CCDC91: variants seen among roughly 807,000 people sequenced by gnomAD.
CCDC91 encodes coiled-coil domain containing 91, also known as coiled-coil domain-containing protein 91.
CCDC91 carries 48 observed loss-of-function variants against 63.2 expected under a neutral mutation model. The ratio of observed to expected loss-of-function variants is 0.76; its 90% CI spans 0.60 to 0.97. The LOEUF is 0.97. CCDC91 is among the 50% of genes least tolerant of loss of function. The pLI is 0.00. For missense variants in CCDC91, 500 were observed against 494.6 expected (o/e 1.01, Z -0.10); for synonymous variants, 167 against 165.8 (o/e 1.01, Z -0.06).
At chr12:28,284,640 T>A (rs1300617326) in intron 3 of CCDC91, among the ~76,000 whole-genome samples, 1 of 146,450 alleles carries the variant, frequency 6.8e-6, no homozygotes, top group Non-Finnish European at 1.5e-5. Context: ...GCAACAAGAG[T>A]GAAACTAGGT....
At chr12:28,399,599 C>A (rs1480566687) in intron 8 of CCDC91, among the ~76,000 whole-genome samples, 1 of 152,212 alleles carries the variant, frequency 6.6e-6, no homozygotes, top group African/African-American at 2.4e-5. Context: ...AAGGCAGATC[C>A]CTTCTGCCTA....
intron 6 of CCDC91, among the ~76,000 whole-genome samples, chr12:28,324,291 TA>T (rs35069039): frequency 6.6e-6 from 1 of 151,666 alleles, no homozygotes; most frequent in Non-Finnish European, 1.5e-5. Flanking sequence ...TGTGAAACTT[TA>T]AAAAAAAGTA....
intron 8 of CCDC91, among the ~76,000 whole-genome samples, chr12:28,432,791 CTG>C (rs913160214): frequency 5.9e-5 from 9 of 152,048 alleles, no homozygotes; most frequent in African/African-American, 2.2e-4. Flanking sequence ...CTGTAAGAAA[CTG>C]TTAAACTCTC....
At chr12:28,470,810 G>A (rs532574634) in intron 11 of CCDC91, among the ~76,000 whole-genome samples, 1 of 152,266 alleles carries the variant, frequency 6.6e-6, no homozygotes, top group Non-Finnish European at 1.5e-5. Flanking sequence ...AGTTCCTAAT[G>A]TGAAGTGAAA....
intron 1 of CCDC91, among the ~76,000 whole-genome samples, chr12:28,195,599 C>T (rs572914114): frequency 2.6e-5 from 4 of 152,256 alleles, no homozygotes; most frequent in East Asian, 1.9e-4. Context: ...TATAGTGTAT[C>T]TTGAAGTCAA....
chr12:28,529,542 A>C (rs1941561697), intron 12 of CCDC91, among the ~76,000 whole-genome samples: 2 of 152,228 alleles, frequency 1.3e-5, no homozygotes, highest in South Asian at 4.1e-4. Flanking sequence ...CACAGGATTA[A>C]GAATGAGATT....
In CCDC91 at chr12:28,435,020, C is replaced by G. The variant is rs73265415; in HGVS notation, c.763-15141C>G. Reference sequence around the variant, plus strand: ...AACATTAGCAATTTGTGCCGTCTCTCTTTTCCTTGGTTAGCCTGGCTAGAG... The same window carrying G: ...AACATTAGCAATTTGTGCCGTCTCTGTTTTCCTTGGTTAGCCTGGCTAGAG... On this transcript the variant is annotated intron_variant, in intron 8 of 12. Transcript: ENST00000536442. Among the ~76,000 whole-genome samples, 223 of 151,758 alleles carry G rather than the reference C, an allele frequency of 1.5e-3. 1 individual carries two copies. Among genetic ancestry groups the G allele is most frequent in the African/African-American group, 5.1e-3 (213 of 41,504 alleles).
intron 8 of CCDC91, among the ~76,000 whole-genome samples, chr12:28,449,663 CTG>C (rs1300462512): frequency 6.6e-6 from 1 of 151,870 alleles, no homozygotes; most frequent in Non-Finnish European, 1.5e-5. Flanking sequence ...GTTTTTGAAT[CTG>C]TGGTAAAATC....
intron 12 of CCDC91, among the ~76,000 whole-genome samples, chr12:28,518,824 T>A (rs906919660): frequency 1.3e-5 from 2 of 152,070 alleles, no homozygotes; most frequent in African/African-American, 4.8e-5. Context: ...TGAGTTGATA[T>A]TTGTATAAGG....
At chr12:28,521,272 T>C (rs1258231805) in intron 12 of CCDC91, among the ~76,000 whole-genome samples, 1 of 152,174 alleles carries the variant, frequency 6.6e-6, no homozygotes, top group African/African-American at 2.4e-5. Flanking sequence ...TAGTTCTCCT[T>C]GAAGAGGTCC....
intron 8 of CCDC91, among the ~76,000 whole-genome samples, chr12:28,401,222 C>T (rs1419044472): frequency 3.3e-5 from 5 of 152,046 alleles, no homozygotes; most frequent in Admixed American, 1.3e-4. Flanking sequence ...CAGTTCAGCA[C>T]GATTGCGGAG....
At chr12:28,274,064 G>C (rs577309963) in intron 3 of CCDC91, among the ~76,000 whole-genome samples, 46 of 152,272 alleles carry the variant, frequency 3.0e-4, no homozygotes, top group Admixed American at 2.9e-3. Flanking sequence ...CATATGGCTA[G>C]CTGGTTTTCC....
chr12:28,398,715 G>A (rs967142286), intron 8 of CCDC91, among the ~76,000 whole-genome samples: 2 of 152,146 alleles, frequency 1.3e-5, no homozygotes, highest in Admixed American at 6.5e-5. Context: ...TTGGGGGAAT[G>A]GGGTGTGGTA....
At chr12:28,307,996 T>TGGATA (rs1203440873) in intron 6 of CCDC91, among the ~76,000 whole-genome samples, 1 of 152,056 alleles carries the variant, frequency 6.6e-6, no homozygotes, top group African/African-American at 2.4e-5. Context: ...CTGTTTCTGA[T>TGGATA]GGATACATTT....
In CCDC91 at chr12:28,549,197, G is replaced by C. The variant is rs767741617; in HGVS notation, c.*24G>C. On this transcript the variant is annotated 3_prime_UTR_variant, in exon 13 of 13. Transcript: ENST00000536442. ...AAAAAGAACATGACAAACCCACACT[G>C]GCATTGGATAAATCATATTACACCT... The C allele has an allele frequency of 5.1e-5, 64 of 1,263,686 alleles. 1 individual carries two copies. The highest frequency in any genetic ancestry group is 3.5e-6 in the Non-Finnish European group (3 of 862,448). 78.3% of individuals were successfully genotyped at this position (1,263,686 alleles called of 1,614,324 possible). A position where few individuals can be genotyped will look rare whatever the true frequency, so the allele number is the denominator to read the frequency against.
At chr12:28,301,403 C>A (rs189079062) in intron 3 of CCDC91, among the ~76,000 whole-genome samples, 86 of 151,366 alleles carry the variant, frequency 5.7e-4, no homozygotes, top group Non-Finnish European at 8.9e-4. Flanking sequence ...TCTTGCATTC[C>A]TGGAGTAAGT....
intron 8 of CCDC91, among the ~76,000 whole-genome samples, chr12:28,444,640 A>G (rs1470130538): frequency 6.6e-6 from 1 of 152,158 alleles, no homozygotes; most frequent in African/African-American, 2.4e-5. Context: ...AGAACTCATG[A>G]ATACAAAGAA....
chr12:28,192,952 T>A (rs2121209343), intron 1 of CCDC91, among the ~76,000 whole-genome samples: 1 of 152,326 alleles, frequency 6.6e-6, no homozygotes, highest in East Asian at 1.9e-4. Flanking sequence ...TCTGTCCCTG[T>A]CTATAGCTTT....
chr12:28,300,318 A>T (rs1388471568), intron 3 of CCDC91, among the ~76,000 whole-genome samples: 1 of 151,498 alleles, frequency 6.6e-6, no homozygotes, highest in Admixed American at 6.6e-5. Flanking sequence ...ATCACTATTT[A>T]TTAACAAGCC....
Sources: gnomAD v4.1 joint callset for allele counts (sites outside exome capture counted in the v4.1 genomes callset) on GRCh38, gnomAD v4.1.1 for gene constraint, MANE v1.5 for transcripts, NCBI Gene and HGNC (gene_info 2026-07-23, HGNC 2026-07-21) for gene names.